Variants in PPP1R14C observed in about 807,000 individuals in gnomAD.
PPP1R14C encodes the protein protein phosphatase 1 regulatory inhibitor subunit 14C.
In PPP1R14C, 16 loss-of-function variants were observed where a neutral mutation model predicts 20.4. The ratio of observed to expected loss-of-function variants is 0.78; its 90% CI spans 0.53 to 1.19. The LOEUF is 1.19. Among genes scored for constraint, PPP1R14C ranks in the 50% most tolerant of loss-of-function variants. PPP1R14C has a pLI of 0.00. For synonymous variants in PPP1R14C, 91 were observed against 91.0 expected (o/e 1.00, Z 0.00); for missense variants, 211 against 220.1 (o/e 0.96, Z 0.26).
intron 2 of PPP1R14C, 101 bp from the exon 3 acceptor site, chr6:150,216,723 A>G: frequency 2.5e-6 from 2 of 787,314 alleles, no homozygotes; most frequent in Non-Finnish European, 4.1e-6. Flanking sequence ...ATTTACCATT[A>G]TAAAATAATA....
chr6:150,247,640 G>A (rs77608515), intron 3 of PPP1R14C, among the ~76,000 whole-genome samples: 5 of 152,272 alleles, frequency 3.3e-5, no homozygotes, highest in East Asian at 1.9e-4. Context: ...TGTAGGTACC[G>A]GATTGTAACA....
At chr6:150,170,522 A>C (rs6919682) in intron 1 of PPP1R14C, among the ~76,000 whole-genome samples, 34 of 151,812 alleles carry the variant, frequency 2.2e-4, no homozygotes, top group East Asian at 5.8e-4. Flanking sequence ...TGGGGTTTCA[A>C]TGTGTTAGCC....
intron 3 of PPP1R14C, among the ~76,000 whole-genome samples, chr6:150,236,640 C>CAT (rs1778364553): frequency 9.1e-6 from 1 of 110,102 alleles, no homozygotes; most frequent in South Asian, 2.9e-4. Context: ...TGTGTGTGTG[C>CAT]GCGTGTGTGT....
intron 1 of PPP1R14C, chr6:150,194,951 AAATT>A: frequency 1.0e-6 from 1 of 985,438 alleles, no homozygotes. Context: ...TGTCTGGAAT[AAATT>A]GATAAAGGCA....
intron 3 of PPP1R14C, among the ~76,000 whole-genome samples, chr6:150,226,519 TA>T (rs1778232185): frequency 6.6e-6 from 1 of 152,156 alleles, no homozygotes; most frequent in African/African-American, 2.4e-5. Flanking sequence ...GATTACAAAA[TA>T]GAACCTCCAT....
intron 1 of PPP1R14C, among the ~76,000 whole-genome samples, chr6:150,210,560 G>A (rs1415084655): frequency 1.3e-5 from 2 of 152,150 alleles, no homozygotes; most frequent in African/African-American, 4.8e-5. Flanking sequence ...TTGTTCTGGA[G>A]CCATGGAGCC....
In PPP1R14C at chr6:150,196,062, C is replaced by T. The variant is rs75450672; in HGVS notation, c.307-18682C>T. The T allele has an allele frequency of 6.3e-3, 6,215 of 985,358 alleles. 242 individuals carry two copies. In the African/African-American group the frequency reaches 0.085, roughly 14 times the overall value. 61.0% of individuals were successfully genotyped at this position (985,358 alleles called of 1,614,324 possible). A position where few individuals can be genotyped will look rare whatever the true frequency, so the allele number is the denominator to read the frequency against. ...TCTCTTGTGTCAGAGAGACTAAAAC[C>T]GTAGTTCTGCTAGACCTCTCACCCC... On this transcript the variant is annotated intron_variant, in intron 1 of 3. Coordinates refer to ENST00000361131, the MANE Select transcript of PPP1R14C (RefSeq NM_030949.3).
At chr6:150,236,607 G>T (rs918421182) in intron 3 of PPP1R14C, among the ~76,000 whole-genome samples, 8 of 137,904 alleles carry the variant, frequency 5.8e-5, no homozygotes, top group Non-Finnish European at 7.8e-5. Flanking sequence ...GAGGTGGTTG[G>T]TGCCACTGTG....
chr6:150,219,103 C>A (rs1778135563), intron 3 of PPP1R14C, among the ~76,000 whole-genome samples: 1 of 151,842 alleles, frequency 6.6e-6, no homozygotes, highest in Non-Finnish European at 1.5e-5. Context: ...AATTAGTAGT[C>A]AAGGTTTATA....
chr6:150,203,230 A>G (rs1486336338), intron 1 of PPP1R14C, among the ~76,000 whole-genome samples: 1 of 152,036 alleles, frequency 6.6e-6, no homozygotes, highest in Non-Finnish European at 1.5e-5. Context: ...CTCTTTCCTC[A>G]TTGGCCCCTG....
At chr6:150,183,131 T>A (rs780140210) in intron 1 of PPP1R14C, among the ~76,000 whole-genome samples, 19 of 152,196 alleles carry the variant, frequency 1.2e-4, no homozygotes, top group Non-Finnish European at 2.1e-4. Flanking sequence ...GTTGTTTTTT[T>A]AATTCTATCT....
chr6:150,156,382 G>A (rs1205955581), intron 1 of PPP1R14C, among the ~76,000 whole-genome samples: 2 of 152,190 alleles, frequency 1.3e-5, no homozygotes, highest in African/African-American at 4.8e-5. Flanking sequence ...GTTTGCTTAT[G>A]CTAAATGATG....
rs62441162 is a variant in PPP1R14C at position 150,248,657 on chromosome 6, C to G, written c.424-89C>G. 6,686 of 821,198 alleles carry G rather than the reference C, an allele frequency of 8.1e-3. 47 individuals are homozygous for G. The highest frequency in any genetic ancestry group is 0.011 in the Non-Finnish European group (5,358 of 484,592). The allele number at this position is 821,198 out of a possible 1,614,324, so 50.9% of individuals were successfully genotyped here. A position where few individuals can be genotyped will look rare whatever the true frequency, so the allele number is the denominator to read the frequency against. On this transcript the variant is annotated intron_variant, in intron 3 of 3. Coordinates refer to ENST00000361131, the MANE Select transcript of PPP1R14C (RefSeq NM_030949.3). ...AACCAAATTCATCAACTAAGGTTAA[C>G]TGCAGTTGACATCAATTACTTTAAG...
At chr6:150,181,325 C>T (rs1046144642) in intron 1 of PPP1R14C, among the ~76,000 whole-genome samples, 2 of 152,158 alleles carry the variant, frequency 1.3e-5, no homozygotes, top group Non-Finnish European at 2.9e-5. Flanking sequence ...CAGGCACACA[C>T]CACCACACCC....
intron 1 of PPP1R14C, among the ~76,000 whole-genome samples, chr6:150,198,717 G>A (rs796791361): frequency 2.4e-4 from 37 of 152,298 alleles, no homozygotes; most frequent in African/African-American, 8.4e-4. Context: ...GACATAGTCC[G>A]GGCAGCCCCG....
At chr6:150,192,345 A>T (rs1279428511) in intron 1 of PPP1R14C, among the ~76,000 whole-genome samples, 3 of 152,076 alleles carry the variant, frequency 2.0e-5, no homozygotes, top group African/African-American at 7.2e-5. Context: ...TGGTTTCGGG[A>T]TGAAACTGTT....
intron 1 of PPP1R14C, among the ~76,000 whole-genome samples, chr6:150,181,555 A>G (rs887236773): frequency 5.3e-5 from 8 of 152,178 alleles, no homozygotes; most frequent in African/African-American, 1.4e-4. Context: ...CTTGTTCCCC[A>G]AGTAATCCAC....
chr6:150,199,758 C>T (rs1777853341), intron 1 of PPP1R14C, among the ~76,000 whole-genome samples: 1 of 151,954 alleles, frequency 6.6e-6, no homozygotes, highest in Admixed American at 6.6e-5. Flanking sequence ...AGTTCTAGCT[C>T]CTCAGTAGGT....
chr6:150,194,632 C>A (rs1396912185), intron 1 of PPP1R14C: 18 of 984,900 alleles, frequency 1.8e-5, no homozygotes, highest in Non-Finnish European at 2.0e-5. Flanking sequence ...ACCACCTTGG[C>A]TTCTGACTAC....
Sources: allele counts gnomAD v4.1 joint callset (sites outside exome capture counted in the v4.1 genomes callset), GRCh38; gene constraint gnomAD v4.1.1; transcripts MANE v1.5; gene names NCBI Gene and HGNC (gene_info 2026-07-23, HGNC 2026-07-21).